The following MYO3B variants were observed in gnomAD, a reference collection of about 807,000 sequenced individuals.
MYO3B encodes the protein myosin IIIB, also known as myosin-IIIb.
In MYO3B, 156 loss-of-function variants were observed where a neutral mutation model predicts 174.6. That is an observed-to-expected ratio of 0.89 (90% CI 0.78 to 1.02). The LOEUF is 1.02. MYO3B is among the 50% of genes least tolerant of loss of function. MYO3B has a pLI of 0.00. For missense variants in MYO3B, 1,632 were observed against 1,639.4 expected, an observed-to-expected ratio of 1.00 and a Z score of 0.08; for synonymous variants, 563 against 569.1, an observed-to-expected ratio of 0.99 and a Z score of 0.15.
chr2:170,516,622 A>G (rs113073941), intron 29 of MYO3B, among the ~76,000 whole-genome samples: 5,030 of 149,590 alleles, frequency 0.034, 137 homozygotes, highest in Non-Finnish European at 0.051. Flanking sequence ...CAGCCTGGGC[A>G]ACAGAGCCAG....
At chr2:170,355,420 G>A (rs1287338488) in intron 8 of MYO3B, among the ~76,000 whole-genome samples, 1 of 152,238 alleles carries the variant, frequency 6.6e-6, no homozygotes, top group Non-Finnish European at 1.5e-5. Flanking sequence ...GGTACAAAAT[G>A]TGGGTAGACA....
chr2:170,605,833 C>T (rs574710751), intron 32 of MYO3B, among the ~76,000 whole-genome samples: 1 of 152,148 alleles, frequency 6.6e-6, no homozygotes, highest in East Asian at 1.9e-4. Context: ...GCACTCTAGC[C>T]TGGGGGAGAG....
At chr2:170,381,370 A>G (rs1312823998) in intron 9 of MYO3B, among the ~76,000 whole-genome samples, 4 of 152,200 alleles carry the variant, frequency 2.6e-5, no homozygotes, top group African/African-American at 9.7e-5. Flanking sequence ...TTTTATAACT[A>G]AACATACAGA....
chr2:170,484,300 T>G (rs1290825649), intron 25 of MYO3B, among the ~76,000 whole-genome samples: 2 of 152,172 alleles, frequency 1.3e-5, no homozygotes, highest in Non-Finnish European at 2.9e-5. Flanking sequence ...AGTCAGGATG[T>G]GAAATGCCCA....
intron 7 of MYO3B, among the ~76,000 whole-genome samples, chr2:170,263,742 G>A (rs2093362127): frequency 2.0e-5 from 3 of 151,926 alleles, no homozygotes. Flanking sequence ...CCATTGCTCA[G>A]GAACAAGTAG....
chr2:170,325,278 G>C (rs1428003317), intron 7 of MYO3B, among the ~76,000 whole-genome samples: 1 of 152,030 alleles, frequency 6.6e-6, no homozygotes, highest in African/African-American at 2.4e-5. Flanking sequence ...TACAATCTTG[G>C]CTCACTGCAA....
chr2:170,253,608 T>C (rs755521021), intron 7 of MYO3B, among the ~76,000 whole-genome samples: 1 of 151,754 alleles, frequency 6.6e-6, no homozygotes, highest in Admixed American at 6.6e-5. Context: ...ACCTGGGCAG[T>C]GGGTGTGTGT....
chr2:170,266,549 A>G (rs1209454771), intron 7 of MYO3B, among the ~76,000 whole-genome samples: 1 of 152,200 alleles, frequency 6.6e-6, no homozygotes, highest in Admixed American at 6.5e-5. Flanking sequence ...TGCTTTGCAT[A>G]TAGAAATGTG....
chr2:170,624,878 T>G (rs139456960), intron 32 of MYO3B, among the ~76,000 whole-genome samples: 19,991 of 152,082 alleles, frequency 0.13, 1,463 homozygotes, highest in East Asian at 0.31. Flanking sequence ...TTATTGATTT[T>G]CATATGTTGA....
intron 8 of MYO3B, among the ~76,000 whole-genome samples, chr2:170,359,009 G>C (rs1284574766): frequency 1.3e-5 from 2 of 152,114 alleles, no homozygotes; most frequent in Non-Finnish European, 2.9e-5. Flanking sequence ...AAAAGTAAAA[G>C]AATAACTAAG....
intron 7 of MYO3B, among the ~76,000 whole-genome samples, chr2:170,301,781 T>C (rs2093666576): frequency 6.6e-6 from 1 of 151,978 alleles, no homozygotes; most frequent in South Asian, 2.1e-4. Context: ...TGGTCCAGTA[T>C]TTCATGGCCT....
At chr2:170,464,365 A>C (rs938883815) in intron 24 of MYO3B, among the ~76,000 whole-genome samples, 1 of 133,880 alleles carries the variant, frequency 7.5e-6, no homozygotes, top group African/African-American at 2.7e-5. Context: ...AAAAAAAAAA[A>C]ATGCTGTTAG....
chr2:170,271,439 A>G (rs893218493), intron 7 of MYO3B, among the ~76,000 whole-genome samples: 2 of 152,182 alleles, frequency 1.3e-5, no homozygotes, highest in African/African-American at 2.4e-5. Context: ...TTAACATGTC[A>G]TCTGTCTAGA....
intron 30 of MYO3B, among the ~76,000 whole-genome samples, chr2:170,532,548 C>T (rs1689418983): frequency 6.6e-6 from 1 of 152,130 alleles, no homozygotes; most frequent in African/African-American, 2.4e-5. Flanking sequence ...CGCAGTGGCT[C>T]ATGCCTGTAA....
At chr2:170,519,666 A>T (rs1688541150) in intron 30 of MYO3B, 126 bp downstream of exon 30, 11 of 838,780 alleles carry the variant, frequency 1.3e-5, no homozygotes, top group Middle Eastern at 2.3e-4. Flanking sequence ...AACTGGAGAG[A>T]GTGGAACCAA....
chr2:170,471,915 C>T (rs982367412), intron 25 of MYO3B, among the ~76,000 whole-genome samples: 6 of 151,676 alleles, frequency 4.0e-5, no homozygotes, highest in African/African-American at 1.2e-4. Context: ...TGCTTGAACC[C>T]GGAAGGCAGA....
At chr2:170,422,525 C>T (rs191723620) in intron 22 of MYO3B, among the ~76,000 whole-genome samples, 7,758 of 149,988 alleles carry the variant, frequency 0.052, 261 homozygotes, top group Non-Finnish European at 0.068. Flanking sequence ...GTGGCTCGAT[C>T]TCGGCTCACT....
Position 170,313,134 on chromosome 2 carries a change from A to G in MYO3B, c.750-22251A>G, listed in dbSNP as rs561387646. On this transcript the variant is annotated intron_variant, in intron 7 of 34. Transcript: ENST00000408978. ...GATTTTTTTGACTGTAATAAGAAAT[A>G]AAATATTGCACTGTTTGGCACTTTG... Among the ~76,000 whole-genome samples, 10 of 152,316 alleles carry G rather than the reference A, an allele frequency of 6.6e-5. No individual in the cohort carries two copies. The East Asian group carries it at 1.3e-3, about 21-fold the overall frequency.
chr2:170,416,621 T>TC (rs1406055194), intron 22 of MYO3B, among the ~76,000 whole-genome samples: 1 of 135,978 alleles, frequency 7.4e-6, no homozygotes, highest in Non-Finnish European at 1.6e-5. Flanking sequence ...AAATCCAAAC[T>TC]CCTTTTTTTT....
Sources: gnomAD v4.1 joint callset for allele counts (sites outside exome capture counted in the v4.1 genomes callset) on GRCh38, gnomAD v4.1.1 for gene constraint, MANE v1.5 for transcripts, NCBI Gene and HGNC (gene_info 2026-07-23, HGNC 2026-07-21) for gene names.